EEA1: variants seen among roughly 807,000 people sequenced by gnomAD.
EEA1 encodes the protein early endosome antigen 1, also known as early endosome antigen 1, 162kD.
Under a neutral mutation model 209.2 loss-of-function variants are expected in EEA1, and 111 were observed. The observed-to-expected ratio is 0.53, with a 90% confidence interval of 0.45 to 0.62. EEA1 has a LOEUF of 0.62. Among genes scored for constraint, EEA1 ranks in the 20% least tolerant of loss-of-function variants. The pLI, the probability that EEA1 is intolerant of heterozygous loss-of-function variation, is 0.00. For missense variants in EEA1, 1,343 were observed against 1,530.8 expected (o/e 0.88, Z 2.05); for synonymous variants, 536 against 540.6 (o/e 0.99, Z 0.12).
intron 3 of EEA1, among the ~76,000 whole-genome samples, chr12:92,860,293 T>C (rs1878082717): frequency 6.6e-6 from 1 of 151,986 alleles, no homozygotes; most frequent in South Asian, 2.1e-4. Flanking sequence ...AAAGCCTGAG[T>C]ACTCCACACT....
intron 18 of EEA1, among the ~76,000 whole-genome samples, chr12:92,807,005 G>A (rs999998332): frequency 2.0e-5 from 3 of 151,844 alleles, no homozygotes; most frequent in African/African-American, 7.3e-5. Context: ...TGGCACTGGA[G>A]TGCAGTGGCA....
intron 2 of EEA1, among the ~76,000 whole-genome samples, chr12:92,886,208 A>T (rs1374153499): frequency 6.8e-6 from 1 of 147,664 alleles, no homozygotes; most frequent in Non-Finnish European, 1.5e-5. Flanking sequence ...AAAAAAAAAA[A>T]CAATCAGAAC....
chr12:92,807,774 A>T (rs1875286610), intron 18 of EEA1, among the ~76,000 whole-genome samples: 1 of 152,160 alleles, frequency 6.6e-6, no homozygotes, highest in African/African-American at 2.4e-5. Flanking sequence ...AAATTAAAGA[A>T]GGCCCAAGTA....
intron 11 of EEA1, among the ~76,000 whole-genome samples, chr12:92,831,185 T>C (rs1876610048): frequency 6.6e-6 from 1 of 152,094 alleles, no homozygotes; most frequent in Non-Finnish European, 1.5e-5. Context: ...TAAAATAAAG[T>C]ATCACTGCCA....
rs980146301 is a variant in EEA1 at position 92,775,304 on chromosome 12, T to C, written c.*707A>G. 6.6e-6 allele frequency: 1 copy of C among 151,702 alleles called. No homozygotes were observed. Among genetic ancestry groups the C allele is most frequent in the African/African-American group, 2.4e-5 (1 of 41,406 alleles). The allele number at this position is 151,702 out of a possible 1,614,324, so 9.4% of individuals were successfully genotyped here. A position where few individuals can be genotyped will look rare whatever the true frequency, so the allele number is the denominator to read the frequency against. On this transcript the variant is annotated 3_prime_UTR_variant, in exon 29 of 29. Transcript: ENST00000322349. ...GAAAAATTAACCCTATTCTTTGCAA[T>C]ACAACCCCAGATAACTATAAGTAAA...
chr12:92,857,596 C>CAA, intron 3 of EEA1, 111 bp from the exon 4 acceptor site: 1 of 591,470 alleles, frequency 1.7e-6, no homozygotes, highest in Non-Finnish European at 2.7e-6. Flanking sequence ...TTTTTCAATT[C>CAA]AAAAAAAAAC....
intron 3 of EEA1, chr12:92,858,974 A>G (rs1878010388): frequency 2.9e-6 from 2 of 690,460 alleles, no homozygotes; most frequent in Non-Finnish European, 5.3e-6. Flanking sequence ...TCAGCTGCCT[A>G]TGCTGCTCAT....
chr12:92,869,525 C>T (rs1337715916), intron 2 of EEA1, among the ~76,000 whole-genome samples: 1 of 151,138 alleles, frequency 6.6e-6, no homozygotes, highest in Non-Finnish European at 1.5e-5. Flanking sequence ...AGGCCGATGA[C>T]TTGAGGCCAG....
rs71069185 is a variant in EEA1, at chr12:92,869,752, C to CAAAAA, written c.118-4770_118-4766dup. Among the ~76,000 whole-genome samples the CAAAAA allele has an allele frequency of 1.6e-3, 43 of 26,794 alleles. 9 individuals are homozygous for CAAAAA. The highest frequency in any genetic ancestry group is 2.8e-3 in the African/African-American group (24 of 8,690). The allele number at this position is 26,794 out of a possible 152,430, so 17.6% of individuals were successfully genotyped here. On this transcript the variant is annotated intron_variant, in intron 2 of 28. Transcript: ENST00000322349. Reference sequence around the variant, plus strand: ...TGGGTGACACAGTGAGATTCTGCCTCAAAAAAAAAAAAAAAAAAAAAAAAA... The same window carrying CAAAAA: ...TGGGTGACACAGTGAGATTCTGCCTCAAAAAAAAAAAAAAAAAAAAAAAAAAAAAA...
In EEA1 at chr12:92,802,462, T is replaced by C; in HGVS notation, c.2612A>G (p.Asn871Ser). The part of the protein sequence containing the change: ...KLSKVSDSLK[N>S]SKSEFEKENQ... Reference sequence around the variant, plus strand: ...CTCCTTTTCAAATTCACTTTTAGAGTTTTTCAAAGAATCAGAAACTTTTGA... The same window carrying C: ...CTCCTTTTCAAATTCACTTTTAGAGCTTTTCAAAGAATCAGAAACTTTTGA... The change falls in exon 19 of 29, where the codon AAC (asparagine) becomes AGC (serine). Residue 871 changes from asparagine to serine, a missense_variant. Around this residue, in one of 3 missense-constraint regions of EEA1, gnomAD observed 1,307 missense variants for 1,465.5 expected, o/e 0.89. Coordinates refer to ENST00000322349, the MANE Select transcript of EEA1 (RefSeq NM_003566.4). The C allele has an allele frequency of 6.3e-7, 1 of 1,580,868 alleles. No individual in the cohort carries two copies. The highest frequency in any genetic ancestry group is 8.5e-7 in the Non-Finnish European group (1 of 1,171,686).
intron 10 of EEA1, among the ~76,000 whole-genome samples, chr12:92,834,312 G>C (rs1474146235): frequency 1.3e-5 from 2 of 152,066 alleles, no homozygotes; most frequent in African/African-American, 4.8e-5. Flanking sequence ...GTGAGGCTGA[G>C]ACAGAAAGAT....
At position 92,832,929 on chromosome 12, in the gene EEA1, G is replaced by A. The variant is rs935387776; in HGVS notation, c.916-79C>T. The A allele has an allele frequency of 3.0e-5, 30 of 1,012,708 alleles. No homozygotes were observed. The African/African-American group carries it at 3.9e-4, about 13-fold the overall frequency. The allele number at this position is 1,012,708 out of a possible 1,614,324, so 62.7% of individuals were successfully genotyped here. A position where few individuals can be genotyped will look rare whatever the true frequency, so the allele number is the denominator to read the frequency against. On this transcript the variant is annotated intron_variant, in intron 10 of 28. Coordinates refer to ENST00000322349, the MANE Select transcript of EEA1 (RefSeq NM_003566.4). Reference sequence around the variant, plus strand: ...AATTACTCAAACAATCTTTGGAGCAGTACTGTCTCCTATTATACATTTTAG... The same window carrying A: ...AATTACTCAAACAATCTTTGGAGCAATACTGTCTCCTATTATACATTTTAG...
At chr12:92,922,824 G>A (rs1184420556) in intron 1 of EEA1, among the ~76,000 whole-genome samples, 1 of 151,960 alleles carries the variant, frequency 6.6e-6, no homozygotes, top group African/African-American at 2.4e-5. Flanking sequence ...TGGGAGTGGT[G>A]GCGGGCACCT....
At chr12:92,868,258 T>C (rs1378244257) in intron 2 of EEA1, among the ~76,000 whole-genome samples, 1 of 152,190 alleles carries the variant, frequency 6.6e-6, no homozygotes, top group African/African-American at 2.4e-5. Context: ...TTATTCTCCT[T>C]TTCTTCAAAA....
chr12:92,843,677 C>A (rs1018501148), intron 9 of EEA1, among the ~76,000 whole-genome samples: 1 of 151,936 alleles, frequency 6.6e-6, no homozygotes, highest in African/African-American at 2.4e-5. Context: ...ATTAATATTT[C>A]TAATATTGCT....
At chr12:92,812,475 G>A (rs1035616348) in intron 16 of EEA1, among the ~76,000 whole-genome samples, 3 of 151,914 alleles carry the variant, frequency 2.0e-5, no homozygotes, top group Non-Finnish European at 4.4e-5. Flanking sequence ...CCAGAGTATC[G>A]CTTCTGTATT....
rs1322857237 is a variant in EEA1, at chr12:92,776,935, T to C, written c.4022A>G (p.His1341Arg). 6.2e-7 allele frequency: 1 copy of C among 1,611,400 alleles called. No homozygotes were observed. Among genetic ancestry groups the C allele is most frequent in the Non-Finnish European group, 8.5e-7 (1 of 1,178,118 alleles). ...CCACTTTCTATTCAACGCTTGTGTA[T>C]GTTTGATCTGTTTTTTAAAGAAGTA... ...GRENQSLQIK[H>R]TQALNRKWAE... The change falls in exon 28 of 29, where the codon CAT (histidine) becomes CGT (arginine). Residue 1341 changes from histidine (H) to arginine (R), a missense_variant. His to Arg is a conservative substitution (Grantham distance 29). Around this residue, in one of 3 missense-constraint regions of EEA1, gnomAD observed 1,307 missense variants for 1,465.5 expected, o/e 0.89. Coordinates refer to ENST00000322349, the MANE Select transcript of EEA1 (RefSeq NM_003566.4).
At chr12:92,874,319 CAAAAAAGAAAGAG>C (rs1310067652) in intron 2 of EEA1, among the ~76,000 whole-genome samples, 3 of 151,556 alleles carry the variant, frequency 2.0e-5, no homozygotes, top group Non-Finnish European at 2.9e-5. Context: ...GACCCTGTCT[CAAAAAAGAAAGAG>C]AAAAAAGAAA....
intron 1 of EEA1, among the ~76,000 whole-genome samples, chr12:92,923,357 A>G (rs551286946): frequency 6.6e-6 from 1 of 152,232 alleles, no homozygotes; most frequent in African/African-American, 2.4e-5. Context: ...CAAAACAAAA[A>G]AAAAAATTTT....
Sources: allele counts gnomAD v4.1 joint callset (sites outside exome capture counted in the v4.1 genomes callset), GRCh38; gene constraint gnomAD v4.1.1; regional missense constraint gnomAD v4.1.1; transcripts MANE v1.5; gene names NCBI Gene and HGNC (gene_info 2026-07-23, HGNC 2026-07-21).